Variants in TFPT observed in about 807,000 individuals in gnomAD.
The protein encoded by TFPT is TCF3 fusion partner.
TFPT carries 27 observed loss-of-function variants against 28.8 expected under a neutral mutation model. That is an observed-to-expected ratio of 0.94 (90% CI 0.69 to 1.29). The LOEUF (loss-of-function observed/expected upper bound fraction) is 1.29. Ranked by LOEUF, TFPT falls within the 50% of genes most tolerant of loss-of-function variation. The pLI, the probability that TFPT is intolerant of heterozygous loss-of-function variation, is 0.00. For missense variants in TFPT, 330 were observed against 338.0 expected, an observed-to-expected ratio of 0.98 and a Z score of 0.19; for synonymous variants, 152 against 142.8, an observed-to-expected ratio of 1.06 and a Z score of -0.46.
At chr19:54,110,000 G>C in intron 3 of TFPT, 51 bp downstream of exon 3, 1 of 1,575,052 alleles carries the variant, frequency 6.3e-7, no homozygotes, top group Non-Finnish European at 8.7e-7. Context: ...GGGGCTGGGA[G>C]CATTTGGGAG....
At chr19:54,111,022 G>A (rs1275279635) in intron 2 of TFPT, among the ~76,000 whole-genome samples, 2 of 152,206 alleles carry the variant, frequency 1.3e-5, no homozygotes, top group African/African-American at 4.8e-5. Flanking sequence ...TGGAGGTTAG[G>A]GCAGGAGGTG....
chr19:54,110,863 A>G (rs1193270311), intron 2 of TFPT, among the ~76,000 whole-genome samples: 2 of 152,150 alleles, frequency 1.3e-5, no homozygotes, highest in African/African-American at 4.8e-5. Context: ...CTCCAGCCAG[A>G]GCATGAGCTG....
intron 5 of TFPT, 58 bp downstream of exon 5, chr19:54,107,968 T>A: frequency 1.3e-6 from 2 of 1,481,682 alleles, no homozygotes; most frequent in Non-Finnish European, 1.8e-6. Context: ...CCTCCTTACC[T>A]GCACTGGCGC....
At chr19:54,111,353 G>A (rs1193847723) in intron 2 of TFPT, among the ~76,000 whole-genome samples, 2 of 151,388 alleles carry the variant, frequency 1.3e-5, no homozygotes, top group Non-Finnish European at 2.9e-5. Context: ...GACCAGCCTG[G>A]CCAACATGGT....
At chr19:54,108,768 C>T (rs2073359374) in intron 3 of TFPT, 2 of 682,708 alleles carry the variant, frequency 2.9e-6, no homozygotes, top group Non-Finnish European at 4.8e-6. Flanking sequence ...GAGGGGAGTA[C>T]AGAACGCTCC....
chr19:54,109,953 G>A (rs1262690763), intron 3 of TFPT, 98 bp downstream of exon 3: 19 of 1,088,104 alleles, frequency 1.7e-5, no homozygotes, highest in Middle Eastern at 2.6e-4. Context: ...CTTGTGGCTT[G>A]TGAGGGTTGG....
At position 54,115,502 on chromosome 19, in the gene TFPT, C is replaced by A. The variant is rs2073601538; in HGVS notation, c.-233G>T. The A allele has an allele frequency of 1.6e-6, 1 of 606,250 alleles. No homozygotes were observed. Among genetic ancestry groups the A allele is most frequent in the African/African-American group, 1.8e-5 (1 of 54,120 alleles). 37.6% of individuals were successfully genotyped at this position (606,250 alleles called of 1,614,324 possible). A position where few individuals can be genotyped will look rare whatever the true frequency, so the allele number is the denominator to read the frequency against. ...TTGCTTTCTTGTCTAACGCCGCAAC[C>A]AGTCCTCTGAGTTGCCAACGTCTTT... On this transcript the variant is annotated 5_prime_UTR_variant, in exon 1 of 6. Coordinates refer to ENST00000391759, the MANE Select transcript of TFPT (RefSeq NM_013342.4).
In TFPT at chr19:54,110,058, C is replaced by G. The variant is rs150437143; in HGVS notation, c.346G>C (p.Glu116Gln). The change falls in exon 3 of 6, where the codon GAA becomes CAA. Residue 116 changes from glutamate to glutamine, a missense_variant. Transcript: ENST00000391759. ...GGACAGAGAAGGGGTTACCTCCGTT[C>G]CTGCTGCAGCCTCCGAGTTATCCTC... ...VQRITRRLQQ[E>Q]RRFLMRVLDS... The G allele has an allele frequency of 2.9e-4, 469 of 1,614,002 alleles. 3 individuals carry two copies. The highest frequency in any genetic ancestry group is 1.0e-4 in the Non-Finnish European group (123 of 1,180,016).
In TFPT at chr19:54,107,224, T is replaced by C. The variant is rs1256685358; in HGVS notation, c.643-55A>G. On this transcript the variant is annotated intron_variant, in intron 5 of 5. Coordinates refer to ENST00000391759, the MANE Select transcript of TFPT (RefSeq NM_013342.4). Reference sequence around the variant, plus strand: ...AGGCCTGGGAATCTAGAAAATCCCATCAGCTTCACCATTTTTGTTTTCATT... The same window carrying C: ...AGGCCTGGGAATCTAGAAAATCCCACCAGCTTCACCATTTTTGTTTTCATT... The C allele has an allele frequency of 6.3e-6, 10 of 1,580,076 alleles. 1 individual carries two copies. In the South Asian group the frequency reaches 1.1e-4, roughly 18 times the overall value.
rs770714341 is a variant in TFPT at position 54,108,093 on chromosome 19, C to A, written c.575G>T (p.Arg192Met). The change falls in exon 5 of 6, where the codon AGG becomes ATG. Residue 192 changes from arginine to methionine, a missense_variant. Physicochemically the swap from Arg to Met is moderately conservative, Grantham distance 91. Transcript: ENST00000391759. ...APGEGPSGRK[R>M]RRVPRDGRRA... is the part of the protein sequence containing the mutation. Reference sequence around the variant, plus strand: ...GCGTCCATCCCGTGGCACTCGCCGCCTCTTCCGCCCACTGGGCCCCTCACC... The same window carrying A: ...GCGTCCATCCCGTGGCACTCGCCGCATCTTCCGCCCACTGGGCCCCTCACC... 23 of 1,565,824 alleles carry A rather than the reference C, an allele frequency of 1.5e-5. No individual in the cohort carries two copies. In the African/African-American group the frequency reaches 1.5e-4, roughly 10 times the overall value.
In TFPT at chr19:54,112,361, C is replaced by T. The variant is rs587627917; in HGVS notation, c.282+2081G>A. ...TCTATACTTGTAAAATAGTAGTAAT[C>T]TATTCCTGGGGGTGGATTAATGGCA... On this transcript the variant is annotated intron_variant, in intron 2 of 5. Transcript: ENST00000391759. 4.6e-5 allele frequency among the ~76,000 whole-genome samples: 7 copies of T among 152,178 alleles called. No homozygotes were observed. The East Asian group carries it at 1.4e-3, about 29-fold the overall frequency.
At position 54,107,395 on chromosome 19, in the gene TFPT, C is replaced by T. The variant is rs149793065; in HGVS notation, c.643-226G>A. The stretch of plus-strand genomic sequence containing the variant: ...TCCCAAGTAGCTGGGACTACAGGCA[C>T]TTGCCAACCAAGCCTAACATGTTTT... On this transcript the variant is annotated intron_variant, in intron 5 of 5. Transcript: ENST00000391759. The T allele has an allele frequency of 1.1e-3, 612 of 571,706 alleles. 6 individuals are homozygous for T. The highest frequency in any genetic ancestry group is 0.01 in the African/African-American group (550 of 52,864). The allele number at this position is 571,706 out of a possible 1,614,324, so 35.4% of individuals were successfully genotyped here.
rs1277097616 is a variant in TFPT at position 54,114,716 on chromosome 19, A to C, written c.24-16T>G. ...TGCCATGGTCCTGAGAGGCAGGGAA[A>C]GGCTCAGGGGCCCTGGATCCTGGAC... On this transcript the variant is annotated splice_polypyrimidine_tract_variant and intron_variant, in intron 1 of 5. Coordinates refer to ENST00000391759, the MANE Select transcript of TFPT (RefSeq NM_013342.4). 6.2e-7 allele frequency: 1 copy of C among 1,607,190 alleles called. No homozygotes were observed. The highest frequency in any genetic ancestry group is 8.5e-7 in the Non-Finnish European group (1 of 1,177,846).
chr19:54,111,834 G>A (rs2073464464), intron 2 of TFPT, among the ~76,000 whole-genome samples: 1 of 151,554 alleles, frequency 6.6e-6, no homozygotes, highest in Non-Finnish European at 1.5e-5. Context: ...TACAAAATTA[G>A]CCAGGTGTAG....
At position 54,115,418 on chromosome 19, in the gene TFPT, T is replaced by C. The variant is rs1256101925; in HGVS notation, c.-149A>G. On this transcript the variant is annotated 5_prime_UTR_variant, in exon 1 of 6. Transcript: ENST00000391759. ...AGGCCTTGTGGGAGTTGTAGTTTCC[T>C]GTTTCCGGCTTCGCTTCGGCCCACC... The C allele has an allele frequency of 4.5e-6, 5 of 1,117,456 alleles. No homozygotes were observed. The highest frequency in any genetic ancestry group is 2.2e-5 in the Admixed American group (1 of 46,406). 69.2% of individuals were successfully genotyped at this position (1,117,456 alleles called of 1,614,324 possible).
At chr19:54,107,958 C>T (rs906920504) in intron 5 of TFPT, 68 bp downstream of exon 5, 27 of 1,471,618 alleles carry the variant, frequency 1.8e-5, no homozygotes, top group African/African-American at 1.7e-4. Flanking sequence ...TTGAGTCCCC[C>T]CTCCTTACCT....
intron 1 of TFPT, 152 bp from the exon 2 acceptor site, chr19:54,114,852 C>A: frequency 3.5e-6 from 4 of 1,142,926 alleles, no homozygotes; most frequent in South Asian, 1.6e-5. Context: ...GAATCCAGCT[C>A]CCAGCCCTCC....
chr19:54,107,907 G>A, intron 5 of TFPT, 119 bp downstream of exon 5: 2 of 1,082,478 alleles, frequency 1.8e-6, no homozygotes, highest in Non-Finnish European at 2.6e-6. Flanking sequence ...CAAAACCCAA[G>A]AGCCCTGAAC....
rs377135488 is a variant in TFPT, at chr19:54,107,131, C to T, written c.681G>A (p.Glu227=). 6 of 1,613,950 alleles carry T rather than the reference C, an allele frequency of 3.7e-6. No homozygotes were observed. The African/African-American group carries it at 6.7e-5, about 18-fold the overall frequency. ...GAGAAACCCAACTGGAATCCAGGGC[C>T]TCATCTGCTTCAAAGCCAAAGTCTT... ...VEEDFGFEAD[E]ALDSSWVSRG... The change falls in exon 6 of 6, where the codon GAG becomes GAA. Residue 227 remains glutamate (E), a synonymous_variant. Transcript: ENST00000391759.
Sources: allele counts gnomAD v4.1 joint callset (sites outside exome capture counted in the v4.1 genomes callset), GRCh38; gene constraint gnomAD v4.1.1; transcripts MANE v1.5; gene names NCBI Gene and HGNC (gene_info 2026-07-23, HGNC 2026-07-21).